PAFAH1B2: variants seen among roughly 807,000 people sequenced by gnomAD.
The protein encoded by PAFAH1B2 is platelet-activating factor acetylhydrolase IB subunit alpha2.
Under a neutral mutation model 28.0 loss-of-function variants are expected in PAFAH1B2, and 8 were observed. The ratio of observed to expected loss-of-function variants is 0.29; its 90% CI spans 0.17 to 0.52. The LOEUF (loss-of-function observed/expected upper bound fraction) is 0.52. PAFAH1B2 is among the 20% of genes least tolerant of loss of function. The probability of loss-of-function intolerance (pLI) is 0.97; values close to 1 mark genes in which losing one functional copy is unlikely to be tolerated. For synonymous variants in PAFAH1B2, 104 were observed against 103.2 expected, an observed-to-expected ratio of 1.01 and a Z score of -0.05; for missense variants, 190 against 282.6, an observed-to-expected ratio of 0.67 and a Z score of 2.35.
intron 1 of PAFAH1B2, among the ~76,000 whole-genome samples, chr11:117,148,896 G>T (rs1956076300): frequency 6.6e-6 from 1 of 152,018 alleles, no homozygotes; most frequent in South Asian, 2.1e-4. Context: ...TAGAGACAAG[G>T]TCTCACTGTC....
At chr11:117,157,785 TC>T (rs1956284566) in intron 2 of PAFAH1B2, among the ~76,000 whole-genome samples, 1 of 152,148 alleles carries the variant, frequency 6.6e-6, no homozygotes, top group Non-Finnish European at 1.5e-5. Context: ...GTAGGCCTTT[TC>T]CTAGACCTAC....
At chr11:117,176,668 G>C (rs1263265371) in exon 6 of PAFAH1B2, 3 of 165,798 alleles carry the variant, frequency 1.8e-5, no homozygotes, top group Admixed American at 1.3e-4. Flanking sequence ...CTCGAGGTCA[G>C]GAGTTCGAGA....
chr11:117,145,159 T>C (rs901107681), intron 1 of PAFAH1B2, among the ~76,000 whole-genome samples: 2 of 152,290 alleles, frequency 1.3e-5, no homozygotes, highest in East Asian at 3.9e-4. Context: ...TAGATAAACC[T>C]GTCAGCGGAG....
intron 1 of PAFAH1B2, among the ~76,000 whole-genome samples, chr11:117,145,525 T>G (rs1393048322): frequency 6.6e-6 from 1 of 152,212 alleles, no homozygotes; most frequent in African/African-American, 2.4e-5. Flanking sequence ...GCCTTGTGTC[T>G]TTGGCTTCTT....
At chr11:117,174,030 G>GT (rs199966405), downstream of PAFAH1B2, among the ~76,000 whole-genome samples, 4,445 of 152,144 alleles carry the variant, frequency 0.029, 91 homozygotes, top group Non-Finnish European at 0.036. Context: ...ACTAAAATCT[G>GT]TTTTGATTCT....
At chr11:117,174,056 G>A (rs1019585983), downstream of PAFAH1B2, among the ~76,000 whole-genome samples, 1 of 151,944 alleles carries the variant, frequency 6.6e-6, no homozygotes, top group Non-Finnish European at 1.5e-5. Context: ...CCACCCATAG[G>A]CATGGCTACT....
Position 117,168,889 on chromosome 11 carries a change from C to A in PAFAH1B2, c.*1190C>A. ...CACTGCAGCCTCCACCTCCCGAGTT[C>A]AAATGATTCTCCTGCCTCAGCTTCC... On this transcript the variant is annotated 3_prime_UTR_variant, in exon 6 of 6. Transcript: ENST00000527958. 1 of 374,832 alleles carries A rather than the reference C, an allele frequency of 2.7e-6. No individual in the cohort carries two copies. The highest frequency in any genetic ancestry group is 3.8e-6 in the Non-Finnish European group (1 of 260,174). The allele number at this position is 374,832 out of a possible 1,614,324, so 23.2% of individuals were successfully genotyped here. A position where few individuals can be genotyped will look rare whatever the true frequency, so the allele number is the denominator to read the frequency against.
At chr11:117,160,407 AT>A (rs1192492917) in intron 3 of PAFAH1B2, among the ~76,000 whole-genome samples, 1 of 152,112 alleles carries the variant, frequency 6.6e-6, no homozygotes, top group Admixed American at 6.6e-5. Context: ...TATTTCATAT[AT>A]TTTTGTAGTA....
intron 1 of PAFAH1B2, among the ~76,000 whole-genome samples, chr11:117,150,222 G>A (rs1002744823): frequency 1.3e-5 from 2 of 152,104 alleles, no homozygotes; most frequent in African/African-American, 4.8e-5. Context: ...TTGCTCTGTT[G>A]CTGCAACTTC....
At chr11:117,163,641 C>G (rs1956428245) in intron 4 of PAFAH1B2, 129 bp from the exon 5 acceptor site, 1 of 914,650 alleles carries the variant, frequency 1.1e-6, no homozygotes, top group Non-Finnish European at 1.7e-6. Context: ...CCACTGCACT[C>G]CAGTCTGGGT....
chr11:117,168,682 G>C lies in PAFAH1B2; in HGVS notation c.*983G>C. 3 of 1,062,238 alleles carry C rather than the reference G, an allele frequency of 2.8e-6. No individual in the cohort carries two copies. Among genetic ancestry groups the C allele is most frequent in the Non-Finnish European group, 3.4e-6 (3 of 877,644 alleles). The allele number at this position is 1,062,238 out of a possible 1,614,324, so 65.8% of individuals were successfully genotyped here. On this transcript the variant is annotated 3_prime_UTR_variant, in exon 6 of 6. Transcript: ENST00000527958. ...TAAAACCTGTTAACAGTTTTTTTTGGGGGTGGGGGGATTCAGAACTCTTGT... is the reference window on the plus strand; with the variant it reads ...TAAAACCTGTTAACAGTTTTTTTTGCGGGTGGGGGGATTCAGAACTCTTGT...
chr11:117,148,859 A>G (rs1186777085), intron 1 of PAFAH1B2, among the ~76,000 whole-genome samples: 5 of 151,926 alleles, frequency 3.3e-5, no homozygotes, highest in Non-Finnish European at 5.9e-5. Flanking sequence ...GGAATATAGG[A>G]AAAAAATCTC....
At chr11:117,155,642 A>T (rs998428057) in intron 2 of PAFAH1B2, among the ~76,000 whole-genome samples, 1 of 152,182 alleles carries the variant, frequency 6.6e-6, no homozygotes, top group African/African-American at 2.4e-5. Flanking sequence ...TCCAAAATCC[A>T]TAAAAATACT....
intron 5 of PAFAH1B2, among the ~76,000 whole-genome samples, chr11:117,166,785 T>TA (rs1179314953): frequency 6.6e-6 from 1 of 152,216 alleles, no homozygotes; most frequent in Non-Finnish European, 1.5e-5. Flanking sequence ...GATGTGTATC[T>TA]ATGAGCTTGA....
In PAFAH1B2 at chr11:117,169,336, C is replaced by A; in HGVS notation, c.*1637C>A. 1 of 1,048,702 alleles carries A rather than the reference C, an allele frequency of 9.5e-7. No individual in the cohort carries two copies. The highest frequency in any genetic ancestry group is 1.7e-5 in the African/African-American group (1 of 60,282). The allele number at this position is 1,048,702 out of a possible 1,614,324, so 65.0% of individuals were successfully genotyped here. ...ATAATAGATGATTTTATCAGTATACCTGTGGAATATGTACAAACTGGATCT... is the reference window on the plus strand; with the variant it reads ...ATAATAGATGATTTTATCAGTATACATGTGGAATATGTACAAACTGGATCT... On this transcript the variant is annotated 3_prime_UTR_variant, in exon 6 of 6. Transcript: ENST00000527958.
rs1180864602 is a variant in PAFAH1B2 at position 117,170,327 on chromosome 11, A to G, written c.*2628A>G. 9.4e-7 allele frequency: 1 copy of G among 1,061,456 alleles called. No homozygotes were observed. The highest frequency in any genetic ancestry group is 1.7e-5 in the African/African-American group (1 of 60,338). 65.8% of individuals were successfully genotyped at this position (1,061,456 alleles called of 1,614,324 possible). A position where few individuals can be genotyped will look rare whatever the true frequency, so the allele number is the denominator to read the frequency against. On this transcript the variant is annotated 3_prime_UTR_variant, in exon 6 of 6. Coordinates refer to ENST00000527958, the MANE Select transcript of PAFAH1B2 (RefSeq NM_002572.4). ...TCTCTTCCTCTCCCAGCAAATTTGT[A>G]TTCCTTCGCCCACGCATTCCTGCTA... is the stretch of plus-strand genomic sequence containing the variant.
Position 117,169,061 on chromosome 11 carries a change from G to A in PAFAH1B2, c.*1362G>A. On this transcript the variant is annotated 3_prime_UTR_variant, in exon 6 of 6. Transcript: ENST00000527958. ...CCGCCTTGGCCTCCCAAAGTGCTGG[G>A]ATTACAGGCATGAGCCACCGTGCCT... 13 of 942,150 alleles carry A rather than the reference G, an allele frequency of 1.4e-5. No individual in the cohort carries two copies. Among genetic ancestry groups the A allele is most frequent in the Non-Finnish European group, 1.7e-5 (13 of 779,896 alleles). 58.4% of individuals were successfully genotyped at this position (942,150 alleles called of 1,614,324 possible). A position where few individuals can be genotyped will look rare whatever the true frequency, so the allele number is the denominator to read the frequency against.
chr11:117,149,668 G>T (rs572975877), intron 1 of PAFAH1B2, among the ~76,000 whole-genome samples: 1 of 150,690 alleles, frequency 6.6e-6, no homozygotes, highest in East Asian at 2.0e-4. Context: ...TCCTGACCTC[G>T]TGATCTGCCT....
chr11:117,153,864 T>G (rs1565263832), intron 2 of PAFAH1B2, among the ~76,000 whole-genome samples: 1 of 152,070 alleles, frequency 6.6e-6, no homozygotes, highest in Non-Finnish European at 1.5e-5. Context: ...GATATAATAC[T>G]ATTATTACTT....
Sources: gnomAD v4.1 joint callset for allele counts (sites outside exome capture counted in the v4.1 genomes callset) on GRCh38, gnomAD v4.1.1 for gene constraint, MANE v1.5 for transcripts, NCBI Gene and HGNC (gene_info 2026-07-23, HGNC 2026-07-21) for gene names.